NKTR: variants seen among roughly 807,000 people sequenced by gnomAD.
The protein encoded by NKTR is NK-tumor recognition protein.
A neutral mutation model predicts 156.3 loss-of-function variants in NKTR; 67 were observed. The ratio of observed to expected loss-of-function variants is 0.43; its 90% CI spans 0.35 to 0.53. The LOEUF (loss-of-function observed/expected upper bound fraction) is 0.53, where lower values mean the gene tolerates loss of function less well. NKTR is among the 20% of genes least tolerant of loss of function. The probability of loss-of-function intolerance (pLI) is 0.01; values close to 1 mark genes in which losing one functional copy is unlikely to be tolerated. For synonymous variants in NKTR, 640 were observed against 596.6 expected, an observed-to-expected ratio of 1.07 and a Z score of -1.06; for missense variants, 1,604 against 1,730.9, an observed-to-expected ratio of 0.93 and a Z score of 1.30.
chr3:42,621,300 A>T, intron 5 of NKTR, 129 bp from the exon 6 acceptor site: 1 of 1,340,182 alleles, frequency 7.5e-7, no homozygotes. Context: ...TTCTTTTCTG[A>T]GTGTTCAGTC....
intron 6 of NKTR, chr3:42,629,897 T>TA: frequency 1.0e-6 from 1 of 985,474 alleles, no homozygotes; most frequent in South Asian, 4.7e-5. Flanking sequence ...TCTGCAATGT[T>TA]ATCCATCATT....
chr3:42,623,616 T>G (rs1361796062), intron 6 of NKTR: 1 of 152,106 alleles, frequency 6.6e-6, no homozygotes, highest in Non-Finnish European at 1.5e-5. Context: ...TGAAACTATG[T>G]TTTTACAAGC....
At chr3:42,615,021 G>T (rs1428121071) in intron 2 of NKTR, among the ~76,000 whole-genome samples, 3 of 151,456 alleles carry the variant, frequency 2.0e-5, no homozygotes, top group South Asian at 4.2e-4. Context: ...GAGGGCAAAA[G>T]ACTTTTTTTT....
At chr3:42,605,436 T>C (rs1253407651) in intron 2 of NKTR, among the ~76,000 whole-genome samples, 2 of 152,230 alleles carry the variant, frequency 1.3e-5, no homozygotes, top group Non-Finnish European at 1.5e-5. Flanking sequence ...TTAGAAGTGA[T>C]ACCAAGAAAT....
chr3:42,638,926 T>C lies in NKTR; in HGVS notation c.3222T>C (p.Thr1074=), dbSNP rs1365563058. The change falls in exon 13 of 17, where the codon ACT becomes ACC. Residue 1074 remains threonine (T), a synonymous_variant. Transcript: ENST00000232978. ...TTTCAGGTAAACATGATACAGTGACTGTTTCATCAGATCTTGATCAGTTTA... is the reference window on the plus strand; with the variant it reads ...TTTCAGGTAAACATGATACAGTGACCGTTTCATCAGATCTTGATCAGTTTA... ...EDLSGKHDTV[T]VSSDLDQFTK... is the part of the protein sequence containing the mutation. The C allele has an allele frequency of 6.2e-7, 1 of 1,612,866 alleles. No individual in the cohort carries two copies. The highest frequency in any genetic ancestry group is 2.2e-5 in the East Asian group (1 of 44,888).
chr3:42,625,039 T>C (rs956035294), intron 6 of NKTR, among the ~76,000 whole-genome samples: 1 of 152,198 alleles, frequency 6.6e-6, no homozygotes, highest in Non-Finnish European at 1.5e-5. Context: ...TATAAAAATA[T>C]GGATGTAAAA....
In NKTR at chr3:42,632,665, C is replaced by T. The variant is rs2125808129; in HGVS notation, c.615C>T (p.Ser205=). The T allele has an allele frequency of 1.2e-6, 2 of 1,613,954 alleles. No individual in the cohort carries two copies. The highest frequency in any genetic ancestry group is 1.7e-6 in the Non-Finnish European group (2 of 1,179,900). The change falls in exon 9 of 17, where the codon TCC becomes TCT. Residue 205 remains serine (S), a synonymous_variant. Coordinates refer to ENST00000232978, the MANE Select transcript of NKTR (RefSeq NM_005385.4). ...GCTCGGATTCCTCTTCCAATTCCTCCTCTTCTTCAGAATCATCTTCAGAAA... is the reference window on the plus strand; with the variant it reads ...GCTCGGATTCCTCTTCCAATTCCTCTTCTTCTTCAGAATCATCTTCAGAAA... ...SEGSDSSSNS[S]SSSESSSESE...
intron 2 of NKTR, chr3:42,612,491 G>C (rs1357780996): frequency 2.0e-5 from 3 of 152,066 alleles, no homozygotes; most frequent in African/African-American, 7.2e-5. Flanking sequence ...GTCATACCTG[G>C]CAGCTCTAAC....
At chr3:42,631,479 A>T (rs1214195172) in intron 8 of NKTR, among the ~76,000 whole-genome samples, 163 bp downstream of exon 8, 3 of 152,150 alleles carry the variant, frequency 2.0e-5, no homozygotes, top group Non-Finnish European at 2.9e-5. Context: ...GTCAGATCTT[A>T]CTTTTTCTTA....
intron 12 of NKTR, among the ~76,000 whole-genome samples, chr3:42,636,040 G>C (rs1192091859): frequency 6.6e-6 from 1 of 152,226 alleles, no homozygotes; most frequent in Non-Finnish European, 1.5e-5. Context: ...TGATCGCAGA[G>C]ACTTGCTTTT....
intron 6 of NKTR, chr3:42,629,008 A>C (rs1708652551): frequency 1.3e-6 from 1 of 762,378 alleles, no homozygotes; most frequent in Non-Finnish European, 1.6e-6. Context: ...TCTCAAAATA[A>C]ACAAACAAAT....
intron 7 of NKTR, 125 bp downstream of exon 7, chr3:42,630,700 T>A: frequency 6.7e-7 from 1 of 1,501,282 alleles, no homozygotes. Flanking sequence ...TAGCAAAAGC[T>A]ATTCCTTAGG....
At position 42,631,212 on chromosome 3, in the gene NKTR, T is replaced by C; in HGVS notation, c.446T>C (p.Val149Ala). 1 of 1,614,106 alleles carries C rather than the reference T, an allele frequency of 6.2e-7. No individual in the cohort carries two copies. The highest frequency in any genetic ancestry group is 8.5e-7 in the Non-Finnish European group (1 of 1,179,988). The change falls in exon 8 of 17, where the codon GTA (valine) becomes GCA (alanine). Residue 149 changes from valine (V) to alanine (A), a missense_variant. Transcript: ENST00000232978. The part of the protein sequence containing the change: ...VFGLVISGFE[V>A]IEQIENLKTD... ...GGACTGGTTATTTCTGGTTTTGAAG[T>C]AATCGAACAAATTGAAAATCTGAAG...
At chr3:42,635,450 T>G (rs1709312462) in intron 12 of NKTR, 84 bp downstream of exon 12, 1 of 1,083,736 alleles carries the variant, frequency 9.2e-7, no homozygotes, top group Admixed American at 2.8e-5. Flanking sequence ...GGACTTTTCA[T>G]TAAAGATTCA....
chr3:42,643,090 C>T (rs776939096), intron 14 of NKTR, among the ~76,000 whole-genome samples: 1 of 152,190 alleles, frequency 6.6e-6, no homozygotes, highest in Non-Finnish European at 1.5e-5. Flanking sequence ...TTTCCCCTAA[C>T]TCCACCCAGT....
At chr3:42,601,275 C>T in intron 2 of NKTR, 1 of 416,146 alleles carries the variant, frequency 2.4e-6, no homozygotes, top group Non-Finnish European at 4.4e-6. Flanking sequence ...TGCCAAACCC[C>T]ACACACCCCG....
intron 5 of NKTR, 22 bp downstream of exon 5, chr3:42,619,730 T>G (rs1707730049): frequency 2.5e-6 from 4 of 1,608,046 alleles, no homozygotes; most frequent in Non-Finnish European, 3.4e-6. Flanking sequence ...TATTTTACGG[T>G]CTTTTGTTTC....
chr3:42,609,977 T>C (rs1706609257), intron 2 of NKTR, among the ~76,000 whole-genome samples: 1 of 152,184 alleles, frequency 6.6e-6, no homozygotes. Flanking sequence ...TCTCTCCTAT[T>C]GTCCTCTTAT....
chr3:42,617,529 T>A (rs778141135), intron 2 of NKTR, 41 bp from the exon 3 acceptor site: 3 of 1,019,738 alleles, frequency 2.9e-6, no homozygotes, highest in Non-Finnish European at 4.7e-6. Flanking sequence ...TGTGATATAT[T>A]TAACTTGCTT....
Sources: gnomAD v4.1 joint callset for allele counts (sites outside exome capture counted in the v4.1 genomes callset) on GRCh38, gnomAD v4.1.1 for gene constraint, MANE v1.5 for transcripts, NCBI Gene and HGNC (gene_info 2026-07-23, HGNC 2026-07-21) for gene names.